Variants in CHD2 observed in about 807,000 individuals in gnomAD.
CHD2 encodes chromodomain helicase DNA binding protein 2, also known as ATP-dependent chromatin remodeler CHD2.
In CHD2, 28 loss-of-function variants were observed where a neutral mutation model predicts 243.9. The ratio of observed to expected loss-of-function variants is 0.11; its 90% CI spans 0.09 to 0.16. The LOEUF (loss-of-function observed/expected upper bound fraction) is 0.16. Among genes scored for constraint, CHD2 ranks in the 10% least tolerant of loss-of-function variants. CHD2 has a pLI of 1.00. For missense variants in CHD2, 1,386 were observed against 2,209.8 expected, an observed-to-expected ratio of 0.63 and a Z score of 7.47; for synonymous variants, 775 against 779.0, an observed-to-expected ratio of 0.99 and a Z score of 0.09.
At chr15:92,976,587 G>A (rs1411676681) in intron 20 of CHD2, among the ~76,000 whole-genome samples, 2 of 151,910 alleles carry the variant, frequency 1.3e-5, no homozygotes, top group South Asian at 2.1e-4. Flanking sequence ...GGCCAAGATG[G>A]GGGAGGATCA....
chr15:92,999,449 C>T (rs1186943451), intron 31 of CHD2, among the ~76,000 whole-genome samples: 1 of 152,198 alleles, frequency 6.6e-6, no homozygotes, highest in East Asian at 1.9e-4. Flanking sequence ...TGAGCTTTAT[C>T]TCCTTTTGTT....
At position 92,902,081 on chromosome 15, in the gene CHD2, G is replaced by A. The variant is rs2052536471; in HGVS notation, c.62+782G>A. ...TTAAATTATTTTAAGGTTTGCATTT[G>A]TATGCTTAAGACATTGATTTCCTGT... is the stretch of plus-strand genomic sequence containing the variant. On this transcript the variant is annotated intron_variant, in intron 2 of 38. Coordinates refer to ENST00000394196, the MANE Select transcript of CHD2 (RefSeq NM_001271.4). 1.5e-5 allele frequency: 6 copies of A among 396,834 alleles called. No individual in the cohort carries two copies. In the East Asian group the frequency reaches 2.2e-4, roughly 14 times the overall value. 24.6% of individuals were successfully genotyped at this position (396,834 alleles called of 1,614,324 possible). A position where few individuals can be genotyped will look rare whatever the true frequency, so the allele number is the denominator to read the frequency against.
intron 2 of CHD2, chr15:92,905,009 G>C: frequency 6.5e-7 from 1 of 1,533,860 alleles, no homozygotes. Context: ...AAAAACTCAG[G>C]TCAGTATGTG....
chr15:93,014,643 TG>T, intron 36 of CHD2, 52 bp from the exon 37 acceptor site: 1 of 1,522,858 alleles, frequency 6.6e-7, no homozygotes, highest in Non-Finnish European at 9.0e-7. Flanking sequence ...TATTCTTCTC[TG>T]GGGAATTAAG....
intron 25 of CHD2, among the ~76,000 whole-genome samples, chr15:92,984,812 C>T (rs953329037): frequency 2.6e-5 from 4 of 152,210 alleles, no homozygotes; most frequent in East Asian, 1.9e-4. Context: ...TTGCCACTGC[C>T]TTCAACTTTC....
chr15:92,960,705 GTTTTTTTTTTTTT>G (rs71467745), intron 16 of CHD2, among the ~76,000 whole-genome samples: 4 of 51,452 alleles, frequency 7.8e-5, no homozygotes, highest in Admixed American at 2.5e-4. Flanking sequence ...TCTGTTTGGT[GTTTTTTTTTTTTT>G]TTTTTTTTTT....
intron 8 of CHD2, among the ~76,000 whole-genome samples, chr15:92,942,199 A>G (rs907615066): frequency 3.3e-5 from 5 of 152,210 alleles, no homozygotes; most frequent in African/African-American, 1.2e-4. Context: ...TATAGCAGAG[A>G]TACCTGCTAA....
chr15:92,930,885 C>T (rs1180529097), intron 5 of CHD2, among the ~76,000 whole-genome samples: 2 of 152,160 alleles, frequency 1.3e-5, no homozygotes, highest in African/African-American at 4.8e-5. Context: ...CTGCCTTGGG[C>T]TGAGATAGTT....
At chr15:92,975,413 G>C (rs987017847) in intron 20 of CHD2, among the ~76,000 whole-genome samples, 1 of 152,196 alleles carries the variant, frequency 6.6e-6, no homozygotes, top group African/African-American at 2.4e-5. Flanking sequence ...GTCGAGCTTG[G>C]ATTTGGCATT....
At chr15:92,925,910 A>ATGT (rs537198903) in intron 3 of CHD2, among the ~76,000 whole-genome samples, 25 of 151,998 alleles carry the variant, frequency 1.6e-4, no homozygotes, top group Middle Eastern at 3.4e-3. Flanking sequence ...CATCATTTTT[A>ATGT]TGTTGTTGTT....
intron 12 of CHD2, 61 bp from the exon 13 acceptor site, chr15:92,948,891 C>G: frequency 6.6e-7 from 1 of 1,522,516 alleles, no homozygotes; most frequent in Non-Finnish European, 8.9e-7. Context: ...TGAATTGTGG[C>G]TAGCGTTTTA....
intron 24 of CHD2, among the ~76,000 whole-genome samples, chr15:92,983,922 A>G (rs566642890): frequency 4.7e-4 from 71 of 152,304 alleles, no homozygotes; most frequent in Non-Finnish European, 9.0e-4. Context: ...CATTGTTTCA[A>G]ATGAACTCTA....
At chr15:93,004,878 CT>C in intron 34 of CHD2, 127 bp downstream of exon 34, 1 of 974,294 alleles carries the variant, frequency 1.0e-6, no homozygotes, top group Non-Finnish European at 1.5e-6. Flanking sequence ...AAACACATTG[CT>C]TACAGTATCG....
rs555156270 is a variant in CHD2, at chr15:92,930,006, A to T, written c.443+915A>T. Among the ~76,000 whole-genome samples the T allele has an allele frequency of 3.7e-3, 390 of 106,308 alleles. 4 individuals carry two copies. The highest frequency in any genetic ancestry group is 0.013 in the African/African-American group (369 of 28,596). 69.7% of individuals were successfully genotyped at this position (106,308 alleles called of 152,430 possible). A position where few individuals can be genotyped will look rare whatever the true frequency, so the allele number is the denominator to read the frequency against. The stretch of plus-strand genomic sequence containing the variant: ...TGACATTAAATAAATGTAGGGTATT[A>T]CAGAGCCTTACAGAAAAGTACTTAA... On this transcript the variant is annotated intron_variant, in intron 5 of 38. Coordinates refer to ENST00000394196, the MANE Select transcript of CHD2 (RefSeq NM_001271.4).
At chr15:92,971,415 T>C (rs2053839627) in intron 17 of CHD2, among the ~76,000 whole-genome samples, 3 of 152,174 alleles carry the variant, frequency 2.0e-5, no homozygotes, top group Admixed American at 2.0e-4. Flanking sequence ...ATGTATAAAG[T>C]ACATGTGTGT....
At chr15:93,014,212 A>AT (rs376688609) in intron 36 of CHD2, among the ~76,000 whole-genome samples, 97 of 152,030 alleles carry the variant, frequency 6.4e-4, no homozygotes, top group South Asian at 3.3e-3. Context: ...TTATTGTGTG[A>AT]TTTTTTTTAT....
intron 2 of CHD2, among the ~76,000 whole-genome samples, chr15:92,920,509 C>T (rs956244247): frequency 1.3e-5 from 2 of 152,210 alleles, no homozygotes; most frequent in African/African-American, 4.8e-5. Context: ...ATCCTATCTG[C>T]AGTGCTTCCC....
chr15:92,960,919 T>C (rs894238969), intron 16 of CHD2, among the ~76,000 whole-genome samples: 3 of 152,014 alleles, frequency 2.0e-5, no homozygotes, highest in African/African-American at 7.2e-5. Flanking sequence ...GGTTTTGCCA[T>C]GTCAGCCAGG....
chr15:92,964,205 T>C (rs915658371), intron 16 of CHD2, among the ~76,000 whole-genome samples: 2 of 149,234 alleles, frequency 1.3e-5, no homozygotes, highest in African/African-American at 4.9e-5. Flanking sequence ...GAGTTAGAGA[T>C]GCAAGTTTTT....
Sources: gnomAD v4.1 joint callset for allele counts (sites outside exome capture counted in the v4.1 genomes callset) on GRCh38, gnomAD v4.1.1 for gene constraint, MANE v1.5 for transcripts, NCBI Gene and HGNC (gene_info 2026-07-23, HGNC 2026-07-21) for gene names.